Variants in SUPT3H observed in about 807,000 individuals in gnomAD.
The protein encoded by SUPT3H is transcription initiation protein SPT3 homolog.
Under a neutral mutation model 44.3 loss-of-function variants are expected in SUPT3H, and 44 were observed. The ratio of observed to expected loss-of-function variants is 0.99; its 90% confidence interval spans 0.78 to 1.28. The LOEUF is 1.28. SUPT3H is among the 50% of genes most tolerant of loss of function. SUPT3H has a pLI of 0.00. For synonymous variants in SUPT3H, 124 were observed against 125.6 expected, an observed-to-expected ratio of 0.99 and a Z score of 0.09; for missense variants, 380 against 387.1, an observed-to-expected ratio of 0.98 and a Z score of 0.15.
chr6:45,289,862 G>A (rs940643462), intron 2 of SUPT3H, among the ~76,000 whole-genome samples: 3 of 152,150 alleles, frequency 2.0e-5, no homozygotes, highest in Non-Finnish European at 1.5e-5. Flanking sequence ...AATTATGATT[G>A]TTTTTAACAG....
intron 4 of SUPT3H, among the ~76,000 whole-genome samples, chr6:45,015,222 T>C (rs988660603): frequency 6.6e-6 from 1 of 152,100 alleles, no homozygotes; most frequent in Non-Finnish European, 1.5e-5. Context: ...TACACAAACC[T>C]AGATGGAACA....
intron 6 of SUPT3H, among the ~76,000 whole-genome samples, chr6:44,963,868 A>T (rs1403629510): frequency 1.3e-5 from 2 of 151,660 alleles, no homozygotes; most frequent in African/African-American, 4.9e-5. Flanking sequence ...GTGTGGTTGC[A>T]TGCGGCTGTA....
chr6:45,009,695 C>T (rs1302684917), intron 5 of SUPT3H, among the ~76,000 whole-genome samples: 1 of 152,200 alleles, frequency 6.6e-6, no homozygotes, highest in Admixed American at 6.5e-5. Flanking sequence ...CAGTACTGCT[C>T]TATCGTAATT....
intron 5 of SUPT3H, among the ~76,000 whole-genome samples, chr6:45,007,455 T>G (rs1384176184): frequency 6.6e-6 from 1 of 152,118 alleles, no homozygotes; most frequent in Admixed American, 6.6e-5. Context: ...TTTTCATATC[T>G]TTACATTTTT....
At chr6:45,293,835 A>C (rs996788429) in intron 2 of SUPT3H, among the ~76,000 whole-genome samples, 2 of 151,510 alleles carry the variant, frequency 1.3e-5, no homozygotes, top group African/African-American at 2.4e-5. Context: ...TGAGACTGAA[A>C]TGGTAATTTA....
chr6:45,219,248 G>A (rs993942973), intron 2 of SUPT3H, among the ~76,000 whole-genome samples: 11 of 151,968 alleles, frequency 7.2e-5, no homozygotes, highest in African/African-American at 2.7e-4. Flanking sequence ...ATAAAGATAA[G>A]ACACAGAATT....
In SUPT3H at chr6:45,335,334, T is replaced by C. The variant is rs1788341406; in HGVS notation, c.101+29867A>G. Among the ~76,000 whole-genome samples the C allele has an allele frequency of 2.6e-5, 4 of 151,384 alleles. No individual in the cohort carries two copies. In the South Asian group the frequency reaches 8.3e-4, roughly 31 times the overall value. ...TTACTTTGAAGCTTAAAAGAAAGGA[T>C]CATGACATTTATTTTACTATGTAAT... On this transcript the variant is annotated intron_variant, in intron 2 of 10. Coordinates refer to ENST00000371459, the MANE Select transcript of SUPT3H (RefSeq NM_003599.4).
At chr6:45,236,282 G>T (rs74694844) in intron 2 of SUPT3H, among the ~76,000 whole-genome samples, 1 of 152,078 alleles carries the variant, frequency 6.6e-6, no homozygotes, top group African/African-American at 2.4e-5. Flanking sequence ...AGGTCGCCGG[G>T]GCAATGGTTG....
At chr6:45,285,242 GGGCAATCAGGCA>G (rs1584702995) in intron 2 of SUPT3H, among the ~76,000 whole-genome samples, 2 of 151,614 alleles carry the variant, frequency 1.3e-5, no homozygotes, top group East Asian at 1.9e-4. Context: ...GTTCTGGCCA[GGGCAATCAGGCA>G]GGAGAAGGAA....
At chr6:44,994,579 A>T (rs958300750) in intron 6 of SUPT3H, among the ~76,000 whole-genome samples, 2 of 152,140 alleles carry the variant, frequency 1.3e-5, no homozygotes, top group African/African-American at 4.8e-5. Context: ...GGTAAGCCAG[A>T]CAGGACATTT....
At chr6:45,004,459 A>G (rs1417928699) in intron 5 of SUPT3H, among the ~76,000 whole-genome samples, 1 of 152,020 alleles carries the variant, frequency 6.6e-6, no homozygotes, top group Non-Finnish European at 1.5e-5. Context: ...TAACAACTAT[A>G]TACATATAAG....
rs73735221 is a variant in SUPT3H, at chr6:44,835,805, T to C, written c.913-5948A>G. Among the ~76,000 whole-genome samples the C allele has an allele frequency of 4.3e-3, 648 of 152,202 alleles. 8 individuals are homozygous for C. Among genetic ancestry groups the C allele is most frequent in the African/African-American group, 0.015 (619 of 41,520 alleles). On this transcript the variant is annotated intron_variant, in intron 10 of 10. Coordinates refer to ENST00000371459, the MANE Select transcript of SUPT3H (RefSeq NM_003599.4). ...TGTGCTTCTAACAGGCCTTTTTCAA[T>C]CTCTCTTCTGGTAGAAGAGAGACTA...
chr6:45,221,233 G>A (rs2153635542), intron 2 of SUPT3H, among the ~76,000 whole-genome samples: 1 of 152,230 alleles, frequency 6.6e-6, no homozygotes, highest in South Asian at 2.1e-4. Context: ...TGGGGTGGGG[G>A]CATGCGGGAG....
chr6:45,185,279 G>A (rs886838860), intron 2 of SUPT3H, among the ~76,000 whole-genome samples: 7 of 152,112 alleles, frequency 4.6e-5, no homozygotes, highest in African/African-American at 1.4e-4. Flanking sequence ...AAAGAGTTGA[G>A]CCTGAACTAC....
At chr6:45,331,287 T>C (rs137900989) in intron 2 of SUPT3H, among the ~76,000 whole-genome samples, 130 of 152,184 alleles carry the variant, frequency 8.5e-4, no homozygotes, top group African/African-American at 2.8e-3. Context: ...ATGTGACTCA[T>C]AGAGTATCTT....
At chr6:45,028,654 T>C (rs1349516428) in intron 3 of SUPT3H, among the ~76,000 whole-genome samples, 1 of 151,818 alleles carries the variant, frequency 6.6e-6, no homozygotes, top group Non-Finnish European at 1.5e-5. Context: ...CTTCATGTCT[T>C]CTATATATTA....
chr6:45,218,605 AT>A (rs1316077564), intron 2 of SUPT3H, among the ~76,000 whole-genome samples: 1 of 152,184 alleles, frequency 6.6e-6, no homozygotes, highest in African/African-American at 2.4e-5. Flanking sequence ...ATGATGGCGC[AT>A]GCCTGTAATC....
Position 44,828,121 on chromosome 6 carries a change from A to T in SUPT3H, c.*1695T>A, listed in dbSNP as rs1767972064. 6.6e-6 allele frequency among the ~76,000 whole-genome samples: 1 copy of T among 152,140 alleles called. No homozygotes were observed. Among genetic ancestry groups the T allele is most frequent in the South Asian group, 2.1e-4 (1 of 4,838 alleles). On this transcript the variant is annotated 3_prime_UTR_variant, in exon 11 of 11. Coordinates refer to ENST00000371459, the MANE Select transcript of SUPT3H (RefSeq NM_003599.4). ...TTTGATGTGAAAAATTATCCCCTGA[A>T]AATTTTATACCATCTATAAGCCTGG...
intron 10 of SUPT3H, among the ~76,000 whole-genome samples, chr6:44,861,832 T>C (rs1230142276): frequency 6.6e-6 from 1 of 152,150 alleles, no homozygotes; most frequent in Non-Finnish European, 1.5e-5. Context: ...AGCTTGGAAG[T>C]TCTGTGTTTT....
Sources: allele counts gnomAD v4.1 joint callset (sites outside exome capture counted in the v4.1 genomes callset), GRCh38; gene constraint gnomAD v4.1.1; transcripts MANE v1.5; gene names NCBI Gene and HGNC (gene_info 2026-07-23, HGNC 2026-07-21).